ATP6V0E1: variants seen among roughly 807,000 people sequenced by gnomAD.
ATP6V0E1 encodes V-type proton ATPase subunit e 1.
Under a neutral mutation model 11.6 loss-of-function variants are expected in ATP6V0E1, and 4 were observed. The ratio of observed to expected loss-of-function variants is 0.35; its 90% CI spans 0.17 to 0.79. The LOEUF is 0.79. Among genes scored for constraint, ATP6V0E1 ranks in the 30% least tolerant of loss-of-function variants. ATP6V0E1 has a pLI of 0.54. For missense variants in ATP6V0E1, 105 were observed against 100.0 expected (o/e 1.05, Z -0.21); for synonymous variants, 36 against 34.8 (o/e 1.04, Z -0.13).
chr5:173,024,628 G>T (rs1011521418), intron 3 of ATP6V0E1, among the ~76,000 whole-genome samples: 5 of 152,070 alleles, frequency 3.3e-5, no homozygotes, highest in Non-Finnish European at 7.3e-5. Context: ...CTCTGGTTCT[G>T]TTCAGTGGAA....
intron 2 of ATP6V0E1, among the ~76,000 whole-genome samples, chr5:173,017,533 TAAAA>T (rs750496072): frequency 3.2e-5 from 2 of 62,786 alleles, no homozygotes; most frequent in African/African-American, 5.6e-5. Context: ...AGACTTCGTC[TAAAA>T]AAAAAAAAAA....
chr5:173,031,533 T>C (rs1184505509), intron 3 of ATP6V0E1, among the ~76,000 whole-genome samples: 4 of 150,620 alleles, frequency 2.7e-5, no homozygotes, highest in African/African-American at 9.8e-5. Flanking sequence ...AATACAGGCT[T>C]CCTGGCCAGG....
chr5:173,011,983 G>C (rs1272570478), intron 2 of ATP6V0E1, among the ~76,000 whole-genome samples: 2 of 152,094 alleles, frequency 1.3e-5, no homozygotes, highest in South Asian at 2.1e-4. Context: ...GCGGGTTAGG[G>C]GGGTAAATTC....
intron 1 of ATP6V0E1, among the ~76,000 whole-genome samples, 154 bp from the exon 2 acceptor site, chr5:172,994,621 G>A (rs554784310): frequency 1.4e-4 from 21 of 152,202 alleles, no homozygotes; most frequent in South Asian, 4.2e-4. Context: ...TGGGCACACC[G>A]CAGTTTGCTG....
At position 172,996,574 on chromosome 5, in the gene ATP6V0E1, A is replaced by ATAC. The variant is rs1554118564; in HGVS notation, c.152+1752_152+1753insTAC. ...GAGACTCCGCCTCAAAAAAAAAAAAAATACATACATACATACATACATACA... is the reference window on the plus strand; with the variant it reads ...GAGACTCCGCCTCAAAAAAAAAAAAATACATACATACATACATACATACATACA... On this transcript the variant is annotated intron_variant, in intron 2 of 3. Transcript: ENST00000519374. Among the ~76,000 whole-genome samples, 10 of 151,804 alleles carry ATAC rather than the reference A, an allele frequency of 6.6e-5. No individual in the cohort carries two copies. The South Asian group carries it at 8.3e-4, about 13-fold the overall frequency.
intron 3 of ATP6V0E1, among the ~76,000 whole-genome samples, chr5:173,021,776 C>T (rs1453186914): frequency 3.3e-5 from 5 of 152,164 alleles, no homozygotes; most frequent in South Asian, 2.1e-4. Context: ...TGGTCGTGCG[C>T]GGTGGCTCAC....
At chr5:173,020,975 C>A in intron 3 of ATP6V0E1, 1 of 514,996 alleles carries the variant, frequency 1.9e-6, no homozygotes, top group Non-Finnish European at 3.9e-6. Flanking sequence ...AGAAAGGTGC[C>A]TGCGTCCGTT....
chr5:172,989,651 C>T (rs1457997332), intron 1 of ATP6V0E1, among the ~76,000 whole-genome samples: 9 of 151,918 alleles, frequency 5.9e-5, no homozygotes, highest in Non-Finnish European at 1.2e-4. Flanking sequence ...CTCAGCCTTC[C>T]GAGTAGCTGG....
intron 2 of ATP6V0E1, among the ~76,000 whole-genome samples, chr5:172,998,520 A>G (rs1756102735): frequency 6.7e-6 from 1 of 149,960 alleles, no homozygotes; most frequent in Non-Finnish European, 1.5e-5. Flanking sequence ...CTGAGGCAGG[A>G]GAATTGCTTG....
intron 2 of ATP6V0E1, among the ~76,000 whole-genome samples, chr5:173,017,551 A>AT (rs1300835095): frequency 6.9e-6 from 1 of 145,092 alleles, no homozygotes; most frequent in Non-Finnish European, 1.5e-5. Context: ...AAAAAAAAAA[A>AT]GCGATTCCTG....
intron 3 of ATP6V0E1, among the ~76,000 whole-genome samples, chr5:173,026,294 C>T (rs968555301): frequency 6.6e-6 from 1 of 152,132 alleles, no homozygotes; most frequent in Non-Finnish European, 1.5e-5. Flanking sequence ...CTATGTCCGG[C>T]CTGTAATTAT....
intron 2 of ATP6V0E1, among the ~76,000 whole-genome samples, chr5:173,008,517 T>C (rs1756263123): frequency 6.7e-6 from 1 of 150,304 alleles, no homozygotes; most frequent in African/African-American, 2.4e-5. Flanking sequence ...GCCAGCATGG[T>C]CTTGATCTCT....
chr5:172,989,281 G>A (rs1294721902), intron 1 of ATP6V0E1, among the ~76,000 whole-genome samples: 1 of 152,096 alleles, frequency 6.6e-6, no homozygotes, highest in Non-Finnish European at 1.5e-5. Context: ...TGAGGCTGCA[G>A]TGAGCTATGA....
rs148217371 is a variant in ATP6V0E1, at chr5:172,983,983, C to T, written c.104+19C>T. The T allele has an allele frequency of 5.4e-4, 867 of 1,607,926 alleles. No individual in the cohort carries two copies. Among genetic ancestry groups the T allele is most frequent in the Non-Finnish European group, 7.0e-4 (828 of 1,175,946 alleles). ...ACCGGGGGTAAGTGCGTGAGGCCCGCCTTGGGAGGAACGGGCGGTGAGGAG... is the reference window on the plus strand; with the variant it reads ...ACCGGGGGTAAGTGCGTGAGGCCCGTCTTGGGAGGAACGGGCGGTGAGGAG... On this transcript the variant is annotated intron_variant, in intron 1 of 3. Coordinates refer to ENST00000519374, the MANE Select transcript of ATP6V0E1 (RefSeq NM_003945.4).
At chr5:173,009,050 A>C (rs994979588) in intron 2 of ATP6V0E1, among the ~76,000 whole-genome samples, 1 of 150,936 alleles carries the variant, frequency 6.6e-6, no homozygotes, top group African/African-American at 2.4e-5. Flanking sequence ...ACATGGTGAA[A>C]CCTCGTCTCT....
intron 2 of ATP6V0E1, among the ~76,000 whole-genome samples, chr5:173,008,307 T>C (rs1360061584): frequency 3.4e-5 from 5 of 148,742 alleles, no homozygotes; most frequent in Admixed American, 1.3e-4. Context: ...CTTTTCTTTT[T>C]TTTTTTTTTT....
At chr5:173,034,271 T>C (rs1228322665) in intron 3 of ATP6V0E1, 128 bp from the exon 4 acceptor site, 2 of 669,858 alleles carry the variant, frequency 3.0e-6, no homozygotes, top group East Asian at 2.7e-5. Flanking sequence ...TTGATTATCC[T>C]GTGTTTCATA....
intron 3 of ATP6V0E1, among the ~76,000 whole-genome samples, chr5:173,033,649 C>T (rs1028086571): frequency 1.3e-5 from 2 of 152,006 alleles, no homozygotes; most frequent in African/African-American, 2.4e-5. Flanking sequence ...TAGAGCCCAA[C>T]CTGGGCAGCA....
chr5:173,001,160 G>A (rs923858353), intron 2 of ATP6V0E1, among the ~76,000 whole-genome samples: 3 of 152,196 alleles, frequency 2.0e-5, no homozygotes, highest in South Asian at 2.1e-4. Flanking sequence ...ACTGGATCTG[G>A]ACACTACTAA....
Sources: gnomAD v4.1 joint callset for allele counts (sites outside exome capture counted in the v4.1 genomes callset) on GRCh38, gnomAD v4.1.1 for gene constraint, MANE v1.5 for transcripts, NCBI Gene and HGNC (gene_info 2026-07-23, HGNC 2026-07-21) for gene names.